UNK: variants seen among roughly 807,000 people sequenced by gnomAD.
The protein encoded by UNK is unk zinc finger, also known as RING finger protein unkempt homolog.
In UNK, 32 loss-of-function variants were observed where a neutral mutation model predicts 97.6. The observed-to-expected ratio is 0.33, with a 90% CI of 0.25 to 0.44. The LOEUF (loss-of-function observed/expected upper bound fraction) is 0.44. UNK is among the 20% of genes least tolerant of loss of function. UNK has a pLI of 1.00. For synonymous variants in UNK, 441 were observed against 461.2 expected (o/e 0.96, Z 0.56); for missense variants, 771 against 1,098.4 (o/e 0.70, Z 4.21).
At position 75,806,548 on chromosome 17, in the gene UNK, C is replaced by T. The variant is rs182891970; in HGVS notation, c.105-3212C>T. The stretch of plus-strand genomic sequence containing the variant: ...CAGCACTTTGGGAAGCCGAGGCGGG[C>T]GAATCACAAGGTCAGGAGTTCGAGA... On this transcript the variant is annotated intron_variant, in intron 1 of 15. Transcript: ENST00000589666. 5.5e-3 allele frequency among the ~76,000 whole-genome samples: 834 copies of T among 151,722 alleles called. 5 individuals carry two copies. Among genetic ancestry groups the T allele is most frequent in the African/African-American group, 0.015 (611 of 41,366 alleles).
intron 1 of UNK, among the ~76,000 whole-genome samples, chr17:75,788,587 C>A (rs1428975927): frequency 1.3e-5 from 2 of 152,134 alleles, no homozygotes; most frequent in African/African-American, 4.8e-5. Context: ...CTCCTGACCT[C>A]GTGATCTGCC....
rs2062101547 is a variant in UNK, at chr17:75,824,557, TG to T, written c.*141del. 1.7e-6 allele frequency: 1 copy of T among 598,490 alleles called. No homozygotes were observed. The highest frequency in any genetic ancestry group is 2.2e-6 in the Non-Finnish European group (1 of 447,764). The allele number at this position is 598,490 out of a possible 1,614,324, so 37.1% of individuals were successfully genotyped here. A position where few individuals can be genotyped will look rare whatever the true frequency, so the allele number is the denominator to read the frequency against. On this transcript the variant is annotated 3_prime_UTR_variant, in exon 16 of 16. Coordinates refer to ENST00000589666, the MANE Select transcript of UNK (RefSeq NM_001080419.3). This position sits in a 1 kb window ranked among gnomAD's most constrained non-coding sequence, Gnocchi z 4.9. ...TTATGTATATGTATACATTTCCGTA[TG>T]TATGTATATGTATACATTTCCGTAT...
intron 1 of UNK, among the ~76,000 whole-genome samples, chr17:75,798,877 T>C (rs2143710063): frequency 6.6e-6 from 1 of 151,684 alleles, no homozygotes; most frequent in South Asian, 2.1e-4. Flanking sequence ...CCATCCTGGC[T>C]AACACAGTGA....
intron 1 of UNK, among the ~76,000 whole-genome samples, chr17:75,799,059 C>A (rs2061832772): frequency 6.6e-6 from 1 of 150,774 alleles, no homozygotes; most frequent in Non-Finnish European, 1.5e-5. Flanking sequence ...GTGCGAGACT[C>A]CATCTCAAAA....
chr17:75,821,922 C>CAGTA, intron 13 of UNK: 2 of 341,218 alleles, frequency 5.9e-6, no homozygotes, highest in South Asian at 4.5e-5. Flanking sequence ...CTACCACTTA[C>CAGTA]AATTTGTGTG....
chr17:75,786,372 A>G (rs2061710945), intron 1 of UNK, among the ~76,000 whole-genome samples: 2 of 152,218 alleles, frequency 1.3e-5, no homozygotes, highest in African/African-American at 4.8e-5. Context: ...TTTTAGCAAA[A>G]TAAACACATT....
Position 75,817,991 on chromosome 17 carries a change from G to A in UNK, c.1306-112G>A, listed in dbSNP as rs926059815. ...GGGGGTGTGTGCATGCATGTGAAGA[G>A]GGGTTGCATGTCTGCCACCACCTGC... On this transcript the variant is annotated intron_variant, in intron 9 of 15. Coordinates refer to ENST00000589666, the MANE Select transcript of UNK (RefSeq NM_001080419.3). The surrounding 1 kb of genome is among the most constrained non-coding windows in gnomAD (Gnocchi z 5.8). 4 of 979,746 alleles carry A rather than the reference G, an allele frequency of 4.1e-6. No individual in the cohort carries two copies. Among genetic ancestry groups the A allele is most frequent in the East Asian group, 2.5e-5 (1 of 40,226 alleles). The allele number at this position is 979,746 out of a possible 1,614,324, so 60.7% of individuals were successfully genotyped here. A position where few individuals can be genotyped will look rare whatever the true frequency, so the allele number is the denominator to read the frequency against.
Position 75,817,009 on chromosome 17 carries a change from G to T in UNK, c.1104+97G>T. Reference sequence around the variant, plus strand: ...CAGCCTGGGCTTGGGAGACCATCCTGGTATTTGTCCTCAGGCCAGGGGGAT... The same window carrying T: ...CAGCCTGGGCTTGGGAGACCATCCTTGTATTTGTCCTCAGGCCAGGGGGAT... On this transcript the variant is annotated intron_variant, in intron 8 of 15. Transcript: ENST00000589666. The surrounding 1 kb of genome is among the most constrained non-coding windows in gnomAD (Gnocchi z 5.8). 6.9e-7 allele frequency: 1 copy of T among 1,455,840 alleles called. No individual in the cohort carries two copies. The highest frequency in any genetic ancestry group is 1.3e-5 in the South Asian group (1 of 74,504). 90.2% of individuals were successfully genotyped at this position (1,455,840 alleles called of 1,614,324 possible). A position where few individuals can be genotyped will look rare whatever the true frequency, so the allele number is the denominator to read the frequency against.
intron 1 of UNK, among the ~76,000 whole-genome samples, chr17:75,800,230 G>A (rs1599367190): frequency 6.6e-6 from 1 of 151,898 alleles, no homozygotes; most frequent in South Asian, 2.1e-4. Flanking sequence ...CACCACACCC[G>A]GCTAATTCTT....
rs776840414 is a variant in UNK, at chr17:75,817,414, G to A, written c.1193G>A (p.Gly398Asp). The change falls in exon 9 of 16, where the codon GGC (glycine) becomes GAC (aspartate). Residue 398 changes from glycine (G) to aspartate (D), a missense_variant. Gly to Asp is a moderately conservative substitution (Grantham distance 94). Coordinates refer to ENST00000589666, the MANE Select transcript of UNK (RefSeq NM_001080419.3). The surrounding 1 kb of genome is among the most constrained non-coding windows in gnomAD (Gnocchi z 5.8). ...ATCAGGAAGCCCCCAAACCTGGAGGGCATCGTCTTCCCTGGGGAGTCTGGC... is the reference window on the plus strand; with the variant it reads ...ATCAGGAAGCCCCCAAACCTGGAGGACATCGTCTTCCCTGGGGAGTCTGGC... ...GSIRKPPNLE[G>D]IVFPGESGLA... The A allele has an allele frequency of 8.7e-6, 14 of 1,612,814 alleles. No homozygotes were observed. In the Middle Eastern group the frequency reaches 5.1e-4, roughly 59 times the overall value.
chr17:75,821,099 T>G, intron 13 of UNK: 1 of 178,902 alleles, frequency 5.6e-6, no homozygotes, highest in Non-Finnish European at 1.2e-5. Flanking sequence ...CAGGCTGGAG[T>G]GCAGTGCAGT....
intron 1 of UNK, chr17:75,793,562 C>T (rs891347037): frequency 1.0e-6 from 1 of 985,270 alleles, no homozygotes. Context: ...GTTGGTGGCT[C>T]AATTTCTTTA....
chr17:75,817,623 C>T lies in UNK; in HGVS notation c.1305+97C>T. ...CTTGGTCCAGCTACGGGGAGGATGA[C>T]TGGGAGCTAGGACTCCACTGTCCTC... On this transcript the variant is annotated intron_variant, in intron 9 of 15. Coordinates refer to ENST00000589666, the MANE Select transcript of UNK (RefSeq NM_001080419.3). This position sits in a 1 kb window ranked among gnomAD's most constrained non-coding sequence, Gnocchi z 5.8. 7.5e-7 allele frequency: 1 copy of T among 1,329,652 alleles called. No individual in the cohort carries two copies. The highest frequency in any genetic ancestry group is 1.5e-5 in the African/African-American group (1 of 68,074). The allele number at this position is 1,329,652 out of a possible 1,614,324, so 82.4% of individuals were successfully genotyped here.
chr17:75,799,376 C>T (rs147664311), intron 1 of UNK, among the ~76,000 whole-genome samples: 38 of 152,230 alleles, frequency 2.5e-4, no homozygotes, highest in African/African-American at 7.7e-4. Context: ...TGCCAGCAAC[C>T]GACTCTGTGT....
At chr17:75,808,370 G>T (rs1451498854) in intron 1 of UNK, among the ~76,000 whole-genome samples, 5 of 152,198 alleles carry the variant, frequency 3.3e-5, no homozygotes, top group Non-Finnish European at 5.9e-5. Flanking sequence ...TGTACCTGGA[G>T]CCCAGAGATG....
At chr17:75,800,965 G>A (rs901467884) in intron 1 of UNK, among the ~76,000 whole-genome samples, 14 of 150,734 alleles carry the variant, frequency 9.3e-5, no homozygotes, top group East Asian at 4.0e-4. Context: ...GTGCAGTGGC[G>A]TGATCTGGGC....
chr17:75,794,114 C>A, intron 1 of UNK: 1 of 981,168 alleles, frequency 1.0e-6, no homozygotes, highest in Non-Finnish European at 1.2e-6. Flanking sequence ...AACAAAGTAA[C>A]GTCTGTTTTA....
intron 13 of UNK, 39 bp from the exon 14 acceptor site, chr17:75,822,438 A>G (rs376475772): frequency 2.9e-4 from 461 of 1,568,450 alleles, no homozygotes; most frequent in Non-Finnish European, 3.8e-4. Flanking sequence ...CTGGGCCCAA[A>G]GCCCTCCGGA....
intron 1 of UNK, among the ~76,000 whole-genome samples, chr17:75,787,652 C>T (rs920291757): frequency 2.6e-5 from 4 of 151,752 alleles, no homozygotes; most frequent in Non-Finnish European, 5.9e-5. Context: ...ATGGAAACCC[C>T]GTCTCTACTA....
Sources: gnomAD v4.1 joint callset for allele counts (sites outside exome capture counted in the v4.1 genomes callset) on GRCh38, gnomAD v4.1.1 for gene constraint, Gnocchi (gnomAD v3.1) non-coding constraint, MANE v1.5 for transcripts, NCBI Gene and HGNC (gene_info 2026-07-23, HGNC 2026-07-21) for gene names.